ZHX3: variants seen among roughly 807,000 people sequenced by gnomAD.
ZHX3 encodes zinc fingers and homeoboxes 3, also known as zinc fingers and homeoboxes protein 3.
A neutral mutation model predicts 64.5 loss-of-function variants in ZHX3; 20 were observed. That is an observed-to-expected ratio of 0.31 (90% confidence interval 0.22 to 0.45). The LOEUF (loss-of-function observed/expected upper bound fraction) is 0.45. Ranked by LOEUF, ZHX3 falls within the 20% of genes least tolerant of loss-of-function variation. ZHX3 has a pLI of 1.00. For missense variants in ZHX3, 1,041 were observed against 1,195.8 expected, an observed-to-expected ratio of 0.87 and a Z score of 1.91; for synonymous variants, 423 against 461.6, an observed-to-expected ratio of 0.92 and a Z score of 1.07.
chr20:41,295,643 G>C (rs2044472504), intron 1 of ZHX3, among the ~76,000 whole-genome samples: 1 of 152,128 alleles, frequency 6.6e-6, no homozygotes, highest in African/African-American at 2.4e-5. Flanking sequence ...CGAGGCGGGA[G>C]ATCGAGACCA....
In ZHX3 at chr20:41,203,484, G is replaced by A. The variant is rs576652613; in HGVS notation, c.1433C>T (p.Ser478Leu). Residue 478 changes from serine to leucine, a missense_variant, in exon 3 of 4, where the codon TCG (serine) becomes TTG (leucine). Ser to Leu is a moderately radical substitution (Grantham distance 145). Coordinates refer to ENST00000683867, the MANE Select transcript of ZHX3 (RefSeq NM_001384317.1). The surrounding 1 kb of genome is among the most constrained non-coding windows in gnomAD (Gnocchi z 7.1). ...SAVKVVNAAQ[S>L]LLTACPSITS... ...TATGCTGGGGCAGGCCGTGAGGAGC[G>A]ACTGGGCCGCATTGACCACCTTCAC... 4 of 1,614,180 alleles carry A rather than the reference G, an allele frequency of 2.5e-6. No homozygotes were observed. Among genetic ancestry groups the A allele is most frequent in the East Asian group, 2.2e-5 (1 of 44,884 alleles).
At chr20:41,238,447 G>A (rs1326740601) in intron 2 of ZHX3, among the ~76,000 whole-genome samples, 1 of 151,390 alleles carries the variant, frequency 6.6e-6, no homozygotes, top group Admixed American at 6.6e-5. Flanking sequence ...AAGAAGGAGG[G>A]ACAGAGGGTG....
At chr20:41,292,617 A>G (rs1049376931) in intron 1 of ZHX3, among the ~76,000 whole-genome samples, 1 of 152,232 alleles carries the variant, frequency 6.6e-6, no homozygotes, top group Non-Finnish European at 1.5e-5. Context: ...TGCCCTTTGC[A>G]TGAGTACCTT....
Position 41,190,452 on chromosome 20 carries a change from TG to T in ZHX3, c.2861-5252del, listed in dbSNP as rs1287490454. On this transcript the variant is annotated intron_variant, in intron 3 of 3. Transcript: ENST00000683867. ...TCCCAAAGTGCTGGAATTACAGGCA[TG>T]AGCCACCATGCCCAGCCAAGGATTA... 2.3e-4 allele frequency among the ~76,000 whole-genome samples: 35 copies of T among 152,370 alleles called. 1 individual carries two copies. The highest frequency in any genetic ancestry group is 8.4e-4 in the African/African-American group (35 of 41,604).
In ZHX3 at chr20:41,202,277, C is replaced by T. The variant is rs758844367; in HGVS notation, c.2640G>A (p.Lys880=). Residue 880 remains lysine (K), a synonymous_variant, in exon 3 of 4, where the codon AAG becomes AAA. Coordinates refer to ENST00000683867, the MANE Select transcript of ZHX3 (RefSeq NM_001384317.1). This position sits in a 1 kb window ranked among gnomAD's most constrained non-coding sequence, Gnocchi z 7.0. ...DKTQMSSQQV[K]QWFAEKMGEE... ...CCCCCATTTTCTCAGCAAACCACTG[C>T]TTGACCTGCTGGGAGCTCATCTGGG... 6.2e-7 allele frequency: 1 copy of T among 1,614,178 alleles called. No individual in the cohort carries two copies. The highest frequency in any genetic ancestry group is 1.1e-5 in the South Asian group (1 of 91,074).
chr20:41,222,323 T>C (rs563472615), intron 2 of ZHX3, among the ~76,000 whole-genome samples: 2 of 152,352 alleles, frequency 1.3e-5, no homozygotes, highest in East Asian at 3.9e-4. Context: ...AAGGATAGTG[T>C]TGCCATCAAC....
At chr20:41,214,774 T>C (rs1025429649) in intron 2 of ZHX3, among the ~76,000 whole-genome samples, 2 of 152,228 alleles carry the variant, frequency 1.3e-5, no homozygotes, top group Non-Finnish European at 2.9e-5. Context: ...GGAGCATGTC[T>C]GATAAATGAG....
chr20:41,208,371 T>A (rs2038895563), intron 2 of ZHX3, among the ~76,000 whole-genome samples: 1 of 152,172 alleles, frequency 6.6e-6, no homozygotes, highest in African/African-American at 2.4e-5. Flanking sequence ...TACCAAAGCC[T>A]GGCAGAGACA....
Position 41,212,182 on chromosome 20 carries a change from C to A in ZHX3, c.-150-7116G>T, listed in dbSNP as rs985299216. Among the ~76,000 whole-genome samples, 5 of 152,156 alleles carry A rather than the reference C, an allele frequency of 3.3e-5. No homozygotes were observed. Among genetic ancestry groups the A allele is most frequent in the African/African-American group, 1.2e-4 (5 of 41,436 alleles). ...ATATCCAGATTATATAAATAACTTA[C>A]AACTCAACCATAGAAAGATAATTTT... On this transcript the variant is annotated intron_variant, in intron 2 of 3. Coordinates refer to ENST00000683867, the MANE Select transcript of ZHX3 (RefSeq NM_001384317.1). This position sits in a 1 kb window ranked among gnomAD's most constrained non-coding sequence, Gnocchi z 4.3.
chr20:41,196,368 AT>A (rs1487199566), intron 3 of ZHX3, among the ~76,000 whole-genome samples: 4 of 89,106 alleles, frequency 4.5e-5, no homozygotes, highest in Non-Finnish European at 7.9e-5. Flanking sequence ...ATAAATATAT[AT>A]ATTTATATAA....
At chr20:41,268,235 T>C (rs2042957209) in intron 2 of ZHX3, among the ~76,000 whole-genome samples, 1 of 152,194 alleles carries the variant, frequency 6.6e-6, no homozygotes, top group African/African-American at 2.4e-5. Context: ...TCTCTCCTTC[T>C]AAAAATTTCT....
chr20:41,280,310 C>T (rs916594991), intron 1 of ZHX3, among the ~76,000 whole-genome samples: 1 of 152,118 alleles, frequency 6.6e-6, no homozygotes, highest in Admixed American at 6.6e-5. Context: ...ATACCAATTG[C>T]CTGGGCCCCA....
chr20:41,237,891 T>C (rs182366636), intron 2 of ZHX3, among the ~76,000 whole-genome samples: 5 of 152,232 alleles, frequency 3.3e-5, no homozygotes, highest in Admixed American at 2.0e-4. Context: ...AAGAAAGAGG[T>C]TCCAGATGTC....
chr20:41,263,700 A>ACACCG (rs1001509203), intron 2 of ZHX3, among the ~76,000 whole-genome samples: 4 of 152,126 alleles, frequency 2.6e-5, no homozygotes, highest in African/African-American at 9.7e-5. Flanking sequence ...CTCCCGGCTG[A>ACACCG]GGATTTTTTT....
chr20:41,282,361 C>CTTTTTTTTTTTTTTTTTTTTTTTTTTTT (rs568284480), intron 1 of ZHX3, among the ~76,000 whole-genome samples: 4 of 97,212 alleles, frequency 4.1e-5, no homozygotes, highest in Non-Finnish European at 5.9e-5. Flanking sequence ...CACAATTCAT[C>CTTTTTTTTTTTTTTTTTTTTTTTTTTTT]TTTTTTTTTT....
At chr20:41,267,417 C>T (rs2042917002) in intron 2 of ZHX3, 1 of 152,308 alleles carries the variant, frequency 6.6e-6, no homozygotes, top group Admixed American at 6.5e-5. Flanking sequence ...CTACTTAATC[C>T]TCCTAACGTA....
At chr20:41,217,430 CGA>C (rs1250260697) in intron 2 of ZHX3, among the ~76,000 whole-genome samples, 1 of 151,852 alleles carries the variant, frequency 6.6e-6, no homozygotes, top group Non-Finnish European at 1.5e-5. Flanking sequence ...ATTAAAAGCT[CGA>C]GACATATTTT....
chr20:41,308,950 ACTTCCTTCTC>A (rs2045054359), intron 1 of ZHX3, among the ~76,000 whole-genome samples: 2 of 152,114 alleles, frequency 1.3e-5, no homozygotes, highest in African/African-American at 4.8e-5. Context: ...AAATTGCACA[ACTTCCTTCTC>A]AGCCTTTCTG....
At chr20:41,309,320 C>G (rs2045064699) in intron 1 of ZHX3, among the ~76,000 whole-genome samples, 1 of 152,156 alleles carries the variant, frequency 6.6e-6, no homozygotes, top group African/African-American at 2.4e-5. Context: ...ATGCCATGTT[C>G]TTAATCACTA....
Sources: allele counts gnomAD v4.1 joint callset (sites outside exome capture counted in the v4.1 genomes callset), GRCh38; gene constraint gnomAD v4.1.1; non-coding constraint Gnocchi (gnomAD v3.1); transcripts MANE v1.5; gene names NCBI Gene and HGNC (gene_info 2026-07-23, HGNC 2026-07-21).